Variants in RBM26 observed in about 807,000 individuals in gnomAD.
RBM26 encodes the protein RNA binding motif protein 26.
In RBM26, 30 loss-of-function variants were observed where a neutral mutation model predicts 123.6. The observed-to-expected ratio is 0.24, with a 90% confidence interval of 0.18 to 0.33. RBM26 has a LOEUF of 0.33. Ranked by LOEUF, RBM26 falls within the 10% of genes least tolerant of loss-of-function variation. The pLI is 1.00. For synonymous variants in RBM26, 400 were observed against 404.4 expected (o/e 0.99, Z 0.13); for missense variants, 947 against 1,203.6 (o/e 0.79, Z 3.15).
At chr13:79,370,857 AGAC>A in intron 5 of RBM26, 85 bp downstream of exon 5, 1 of 1,375,468 alleles carries the variant, frequency 7.3e-7, no homozygotes, top group Non-Finnish European at 1.0e-6. Context: ...AAAAAAATGA[AGAC>A]AACACTGACA....
At chr13:79,392,319 T>C (rs1452482367) in intron 1 of RBM26, among the ~76,000 whole-genome samples, 1 of 142,102 alleles carries the variant, frequency 7.0e-6, no homozygotes, top group Non-Finnish European at 1.5e-5. Context: ...CGGTAATATA[T>C]AATTAGTAAT....
At position 79,406,209 on chromosome 13, in the gene RBM26, T is replaced by C. The variant is rs2079507819; in HGVS notation, c.-435A>G. On this transcript the variant is annotated 5_prime_UTR_variant, in exon 1 of 22. Coordinates refer to ENST00000438737, the MANE Select transcript of RBM26 (RefSeq NM_001366735.2). ...GAACGATTCAGGGGGTCTTCCCGGCTCCCAGCACCCCCAAGAAGATGGCTG... is the reference window on the plus strand; with the variant it reads ...GAACGATTCAGGGGGTCTTCCCGGCCCCCAGCACCCCCAAGAAGATGGCTG... 1 of 153,604 alleles carries C rather than the reference T, an allele frequency of 6.5e-6. No individual in the cohort carries two copies. The highest frequency in any genetic ancestry group is 1.9e-4 in the East Asian group (1 of 5,226). The allele number at this position is 153,604 out of a possible 1,614,324, so 9.5% of individuals were successfully genotyped here.
intron 1 of RBM26, among the ~76,000 whole-genome samples, chr13:79,397,944 A>G (rs1390783736): frequency 3.9e-5 from 6 of 152,334 alleles, no homozygotes; most frequent in South Asian, 4.1e-4. Context: ...ATGCTTCTAC[A>G]TAGGTAAAAT....
intron 9 of RBM26, among the ~76,000 whole-genome samples, chr13:79,365,004 C>G (rs75879012): frequency 6.6e-6 from 1 of 151,660 alleles, no homozygotes; most frequent in Non-Finnish European, 1.5e-5. Context: ...AAAGGCTACC[C>G]AAGAAAATGT....
intron 1 of RBM26, among the ~76,000 whole-genome samples, chr13:79,404,828 T>C (rs1309092004): frequency 6.6e-6 from 1 of 152,212 alleles, no homozygotes; most frequent in Admixed American, 6.5e-5. Flanking sequence ...TCTATTAATA[T>C]CTGGATTTAT....
chr13:79,320,172 C>T lies in RBM26; in HGVS notation c.*449G>A. 1 of 956,646 alleles carries T rather than the reference C, an allele frequency of 1.0e-6. No homozygotes were observed. Among genetic ancestry groups the T allele is most frequent in the Non-Finnish European group, 1.2e-6 (1 of 803,592 alleles). The allele number at this position is 956,646 out of a possible 1,614,324, so 59.3% of individuals were successfully genotyped here. On this transcript the variant is annotated 3_prime_UTR_variant, in exon 22 of 22. Transcript: ENST00000438737. The stretch of plus-strand genomic sequence containing the variant: ...CATACTACTATGTAATATTATAATA[C>T]ATAACTTGGAGACTTTAGTTAGAGT...
intron 1 of RBM26, among the ~76,000 whole-genome samples, chr13:79,388,736 A>C (rs2077693761): frequency 6.6e-6 from 1 of 152,354 alleles, no homozygotes. Context: ...GCAGTTTTCA[A>C]AAATAAGTTC....
intron 1 of RBM26, among the ~76,000 whole-genome samples, chr13:79,400,308 A>G (rs919658961): frequency 1.3e-5 from 2 of 152,186 alleles, no homozygotes; most frequent in African/African-American, 2.4e-5. Context: ...GGGAAGTCTC[A>G]TATCAAGGTA....
intron 12 of RBM26, 82 bp from the exon 13 acceptor site, chr13:79,354,652 GC>G: frequency 7.9e-7 from 1 of 1,268,022 alleles, no homozygotes; most frequent in Non-Finnish European, 1.0e-6. Context: ...TTACTACATT[GC>G]CCATGCAGAG....
chr13:79,387,110 T>C (rs1265887322), intron 1 of RBM26, among the ~76,000 whole-genome samples: 1 of 152,158 alleles, frequency 6.6e-6, no homozygotes, highest in African/African-American at 2.4e-5. Context: ...GAAATTATTA[T>C]GGACACTTTT....
chr13:79,342,692 A>G lies in RBM26; in HGVS notation c.2399T>C (p.Leu800Pro), dbSNP rs1279407122. The G allele has an allele frequency of 1.2e-6, 2 of 1,608,952 alleles. No individual in the cohort carries two copies. Among genetic ancestry groups the G allele is most frequent in the Non-Finnish European group, 1.7e-6 (2 of 1,177,854 alleles). ...EVKAASPGRC[L>P]PKSIKTKTQM... is the part of the protein sequence containing the mutation. ...AGTCTTGGTTTTTATACTTTTTGGA[A>G]GACAGCGTCCAGGAGAAGCAGCTTT... Residue 800 changes from leucine to proline, a missense_variant, in exon 17 of 22, where the codon CTT becomes CCT. This residue lies in a region of RBM26 where 493 missense variants were observed against 563.1 expected (regional missense o/e 0.88). Transcript: ENST00000438737.
rs1307880832 is a variant in RBM26 at position 79,354,553 on chromosome 13, G to C, written c.1872C>G (p.Val624=). The part of the protein sequence containing the change: ...TTSPKVMQPL[V]QQPILPVVKQ... ...TCACAACAGGCAAAATGGGCTGCTG[G>C]ACTAAAGGCTGCATTACCTCAGAAC... Residue 624 remains valine (V), a synonymous_variant, in exon 13 of 22, where the codon GTC becomes GTG. Transcript: ENST00000438737. 4 of 1,600,158 alleles carry C rather than the reference G, an allele frequency of 2.5e-6. No homozygotes were observed. Among genetic ancestry groups the C allele is most frequent in the Admixed American group, 1.7e-5 (1 of 59,520 alleles).
In RBM26 at chr13:79,319,321, A is replaced by G; in HGVS notation, c.*1300T>C. 1.0e-6 allele frequency: 1 copy of G among 982,648 alleles called. No homozygotes were observed. The highest frequency in any genetic ancestry group is 1.2e-6 in the Non-Finnish European group (1 of 827,608). The allele number at this position is 982,648 out of a possible 1,614,324, so 60.9% of individuals were successfully genotyped here. ...AGAGAGGCAGAAACACTTGCAATCA[A>G]AATGATGAATTTGAAAATATAAATA... is the stretch of plus-strand genomic sequence containing the variant. On this transcript the variant is annotated 3_prime_UTR_variant, in exon 22 of 22. Coordinates refer to ENST00000438737, the MANE Select transcript of RBM26 (RefSeq NM_001366735.2).
intron 2 of RBM26, 71 bp from the exon 3 acceptor site, chr13:79,377,586 T>C (rs757286168): frequency 1.8e-6 from 2 of 1,140,608 alleles, no homozygotes; most frequent in Non-Finnish European, 2.6e-6. Flanking sequence ...CCACATCTCT[T>C]ATCTCTAATA....
At chr13:79,359,286 T>C (rs2074386024) in intron 10 of RBM26, among the ~76,000 whole-genome samples, 1 of 152,146 alleles carries the variant, frequency 6.6e-6, no homozygotes, top group Non-Finnish European at 1.5e-5. Context: ...GACTATCCTG[T>C]ATATAGCTAG....
intron 20 of RBM26, among the ~76,000 whole-genome samples, chr13:79,333,968 T>C (rs1397015337): frequency 6.6e-6 from 1 of 152,210 alleles, no homozygotes. Flanking sequence ...TAGAACTGCT[T>C]GTACCTTATC....
At chr13:79,376,004 T>C (rs2076639711) in intron 3 of RBM26, among the ~76,000 whole-genome samples, 1 of 152,024 alleles carries the variant, frequency 6.6e-6, no homozygotes, top group African/African-American at 2.4e-5. Context: ...ATTTTACTTA[T>C]TCCTCACAAG....
intron 1 of RBM26, among the ~76,000 whole-genome samples, chr13:79,383,079 T>C (rs936297695): frequency 8.6e-3 from 12 of 1,398 alleles, no homozygotes; most frequent in Non-Finnish European, 0.013. Context: ...TGGCTTAAAA[T>C]AGAGATAGGC....
chr13:79,339,291 G>C (rs2070974014), intron 18 of RBM26, among the ~76,000 whole-genome samples: 1 of 152,154 alleles, frequency 6.6e-6, no homozygotes, highest in African/African-American at 2.4e-5. Flanking sequence ...GTTGGTCAAA[G>C]TGTACAATGT....
Sources: gnomAD v4.1 joint callset for allele counts (sites outside exome capture counted in the v4.1 genomes callset) on GRCh38, gnomAD v4.1.1 for gene constraint, gnomAD v4.1.1 regional missense constraint, MANE v1.5 for transcripts, NCBI Gene and HGNC (gene_info 2026-07-23, HGNC 2026-07-21) for gene names.